The following DPP10 variants were observed in gnomAD, a reference collection of about 807,000 sequenced individuals.
DPP10 encodes the protein dipeptidyl peptidase like 10, also known as inactive dipeptidyl peptidase 10.
Under a neutral mutation model 120.9 loss-of-function variants are expected in DPP10, and 33 were observed. The observed-to-expected ratio is 0.27, with a 90% CI of 0.21 to 0.37. The LOEUF (loss-of-function observed/expected upper bound fraction) is 0.37, where lower values mean the gene tolerates loss of function less well. DPP10 is among the 10% of genes least tolerant of loss of function. DPP10 has a pLI of 1.00. For synonymous variants in DPP10, 337 were observed against 326.1 expected, an observed-to-expected ratio of 1.03 and a Z score of -0.36; for missense variants, 816 against 942.8, an observed-to-expected ratio of 0.87 and a Z score of 1.76.
intron 5 of DPP10, among the ~76,000 whole-genome samples, chr2:115,586,399 A>G (rs77861158): frequency 6.6e-6 from 1 of 152,322 alleles, no homozygotes; most frequent in Admixed American, 6.5e-5. Context: ...CTTAGAATGT[A>G]TGATAAAATA....
chr2:115,288,889 A>G (rs2060520169), intron 1 of DPP10, among the ~76,000 whole-genome samples: 1 of 152,038 alleles, frequency 6.6e-6, no homozygotes, highest in African/African-American at 2.4e-5. Flanking sequence ...GGACTAAGAC[A>G]AGGATGCTCT....
At chr2:115,103,124 C>T (rs6729416) in intron 1 of DPP10, among the ~76,000 whole-genome samples, 31,226 of 151,532 alleles carry the variant, frequency 0.21, 3,955 homozygotes, top group East Asian at 0.36. Context: ...TCTCTTACAA[C>T]AGCTAAAACA....
chr2:115,561,070 C>T (rs1332238251), intron 5 of DPP10, among the ~76,000 whole-genome samples: 2 of 152,012 alleles, frequency 1.3e-5, no homozygotes, highest in African/African-American at 4.8e-5. Flanking sequence ...AAGGACTGGC[C>T]AGGTGCAGTG....
intron 1 of DPP10, among the ~76,000 whole-genome samples, chr2:115,185,545 A>T (rs941153046): frequency 6.6e-6 from 1 of 152,232 alleles, no homozygotes; most frequent in Non-Finnish European, 1.5e-5. Flanking sequence ...CAAGTAAAAA[A>T]GTACCTAAAA....
At chr2:114,635,009 T>C (rs1009385647) in intron 1 of DPP10, among the ~76,000 whole-genome samples, 3 of 151,924 alleles carry the variant, frequency 2.0e-5, no homozygotes, top group African/African-American at 7.3e-5. Flanking sequence ...TTTTTCAAAA[T>C]AGAAGTTTCA....
chr2:114,956,360 T>A (rs75202339), intron 1 of DPP10, among the ~76,000 whole-genome samples: 81 of 148,768 alleles, frequency 5.4e-4, no homozygotes, highest in Non-Finnish European at 9.4e-4. Flanking sequence ...AGAATAAATT[T>A]AAAAAAAAAA....
At chr2:115,298,298 A>C (rs993933404) in intron 1 of DPP10, among the ~76,000 whole-genome samples, 1 of 152,080 alleles carries the variant, frequency 6.6e-6, no homozygotes, top group African/African-American at 2.4e-5. Context: ...ATTATGCTTA[A>C]ATGGATTAGA....
intron 1 of DPP10, among the ~76,000 whole-genome samples, chr2:114,518,646 C>T (rs1485618571): frequency 6.6e-6 from 1 of 152,210 alleles, no homozygotes; most frequent in Non-Finnish European, 1.5e-5. Flanking sequence ...GCAGCATTGG[C>T]ATCACCTGGG....
chr2:114,504,347 G>T (rs369196424), intron 1 of DPP10, among the ~76,000 whole-genome samples: 1 of 152,018 alleles, frequency 6.6e-6, no homozygotes, highest in African/African-American at 2.4e-5. Context: ...TATTGCTCTT[G>T]TGTATAATCC....
intron 1 of DPP10, among the ~76,000 whole-genome samples, chr2:114,868,699 A>G (rs1236472130): frequency 1.3e-5 from 2 of 152,210 alleles, no homozygotes; most frequent in Non-Finnish European, 2.9e-5. Flanking sequence ...AAAAGCATCT[A>G]CTGGAACCTG....
intron 1 of DPP10, among the ~76,000 whole-genome samples, chr2:114,658,725 G>A (rs1008885831): frequency 1.3e-5 from 2 of 152,090 alleles, no homozygotes; most frequent in Non-Finnish European, 2.9e-5. Context: ...CTCTCTACAG[G>A]TGTATCCCAA....
chr2:114,458,118 C>G (rs72840604), intron 1 of DPP10, among the ~76,000 whole-genome samples: 97 of 150,444 alleles, frequency 6.4e-4, no homozygotes, highest in Non-Finnish European at 1.2e-3. Context: ...TGGTCTCTTT[C>G]CAGAACAGTC....
chr2:114,797,765 C>G lies in DPP10; in HGVS notation c.60+354927C>G, dbSNP rs976815415. On this transcript the variant is annotated intron_variant, in intron 1 of 25. Transcript: ENST00000410059. ...AAACAACAGCGTAGGTAGATTCTGT[C>G]CCCTCCAGTACCCAGGAGATGCGAT... Among the ~76,000 whole-genome samples, 3 of 152,180 alleles carry G rather than the reference C, an allele frequency of 2.0e-5. No homozygotes were observed. The East Asian group carries it at 5.8e-4, about 29-fold the overall frequency.
intron 1 of DPP10, among the ~76,000 whole-genome samples, chr2:115,156,945 G>A (rs924734267): frequency 1.3e-5 from 2 of 151,976 alleles, no homozygotes; most frequent in Non-Finnish European, 2.9e-5. Flanking sequence ...ATGATGGAAG[G>A]TTTTCTTTTT....
At chr2:115,457,165 G>T (rs1168511511) in intron 3 of DPP10, among the ~76,000 whole-genome samples, 1 of 151,406 alleles carries the variant, frequency 6.6e-6, no homozygotes, top group Non-Finnish European at 1.5e-5. Context: ...ATTCAATGAA[G>T]GAAAGAATAG....
intron 21 of DPP10, among the ~76,000 whole-genome samples, chr2:115,822,279 C>T (rs1404802303): frequency 6.6e-6 from 1 of 151,890 alleles, no homozygotes; most frequent in Non-Finnish European, 1.5e-5. Context: ...CTTCCTTCCC[C>T]TTTTCATCAT....
chr2:115,681,467 C>G lies in DPP10; in HGVS notation c.442-8220C>G, dbSNP rs191435923. Among the ~76,000 whole-genome samples, 6 of 151,848 alleles carry G rather than the reference C, an allele frequency of 4.0e-5. No individual in the cohort carries two copies. In the South Asian group the frequency reaches 6.2e-4, roughly 16 times the overall value. Reference sequence around the variant, plus strand: ...AACTCATTTTAAGGATTTTCTATCTCTGCTTGGTAGTAAAACTTTTATGGA... The same window carrying G: ...AACTCATTTTAAGGATTTTCTATCTGTGCTTGGTAGTAAAACTTTTATGGA... On this transcript the variant is annotated intron_variant, in intron 5 of 25. Transcript: ENST00000410059.
chr2:114,472,447 A>T (rs1679999659), intron 1 of DPP10, among the ~76,000 whole-genome samples: 1 of 152,234 alleles, frequency 6.6e-6, no homozygotes. Flanking sequence ...TTGGCCTATC[A>T]CCAGGTTTTG....
intron 2 of DPP10, among the ~76,000 whole-genome samples, chr2:115,320,592 A>G (rs777177084): frequency 6.6e-6 from 1 of 152,128 alleles, no homozygotes; most frequent in Non-Finnish European, 1.5e-5. Context: ...AATCACATAC[A>G]CAAACTGTTT....
Sources: gnomAD v4.1 joint callset for allele counts (sites outside exome capture counted in the v4.1 genomes callset) on GRCh38, gnomAD v4.1.1 for gene constraint, MANE v1.5 for transcripts, NCBI Gene and HGNC (gene_info 2026-07-23, HGNC 2026-07-21) for gene names.